The following FIRRM variants were observed in gnomAD, a reference collection of about 807,000 sequenced individuals.
FIRRM encodes FIGNL1 interacting regulator of recombination and mitosis.
At chr1:169,788,252 C>T in the FIRRM span, among the ~76,000 whole-genome samples, 1 of 152,164 alleles carries the variant, frequency 6.6e-6, no homozygotes, top group African/African-American at 2.4e-5. Flanking sequence ...ACCTCTGCCA[C>T]CCCTGAGACA....
At chr1:169,837,150 A>T in the FIRRM span, 1 of 1,521,844 alleles carries the variant, frequency 6.6e-7, no homozygotes, top group Non-Finnish European at 8.8e-7. Context: ...TTCATTCAGC[A>T]GCTGTTTATT....
chr1:169,836,811 G>A, the FIRRM span: 35 of 664,200 alleles, frequency 5.3e-5, no homozygotes, highest in South Asian at 2.6e-4. Context: ...AGATATTACC[G>A]TACCATTATA....
At chr1:169,815,902 G>A in the FIRRM span, among the ~76,000 whole-genome samples, 38 of 152,154 alleles carry the variant, frequency 2.5e-4, 1 homozygote, top group African/African-American at 6.7e-4. Context: ...TAACTTCTTC[G>A]GGCTGAATAG....
chr1:169,805,582 ATAAT>A, the FIRRM span, among the ~76,000 whole-genome samples: 1 of 152,336 alleles, frequency 6.6e-6, no homozygotes, highest in Middle Eastern at 3.4e-3. Flanking sequence ...ATTTTTATAA[ATAAT>A]CTACCACAGA....
chr1:169,820,161 T>C, the FIRRM span, among the ~76,000 whole-genome samples: 1 of 152,108 alleles, frequency 6.6e-6, no homozygotes, highest in Non-Finnish European at 1.5e-5. Flanking sequence ...GAGTGGACAG[T>C]TGATCTGAGT....
At chr1:169,803,422 C>A in the FIRRM span, 3 of 1,054,566 alleles carry the variant, frequency 2.8e-6, no homozygotes, top group Non-Finnish European at 3.8e-6. Flanking sequence ...TTGAAATAAA[C>A]TTTTCCATAG....
chr1:169,795,949 G>A, the FIRRM span: 1 of 985,446 alleles, frequency 1.0e-6, no homozygotes, highest in African/African-American at 1.7e-5. Flanking sequence ...ATGCCTTTGT[G>A]GTTGTAAATG....
At chr1:169,832,396 C>T in the FIRRM span, 5 of 1,554,464 alleles carry the variant, frequency 3.2e-6, no homozygotes, top group East Asian at 4.5e-5. Context: ...TCTCTCCTCT[C>T]TCTCTCATGT....
the FIRRM span, among the ~76,000 whole-genome samples, chr1:169,818,387 A>C: frequency 6.6e-6 from 1 of 152,234 alleles, no homozygotes. Context: ...AAGTCAAAGA[A>C]GCAGTTTATG....
the FIRRM span, chr1:169,821,596 A>G: frequency 1.9e-6 from 2 of 1,040,032 alleles, no homozygotes; most frequent in Non-Finnish European, 2.7e-6. Context: ...TGTTTTTAGA[A>G]AATATTGTCT....
chr1:169,852,004 A>C, the FIRRM span: 2 of 1,607,522 alleles, frequency 1.2e-6, no homozygotes, highest in South Asian at 2.2e-5. Context: ...CTTACTGACG[A>C]AACAAACCAG....
chr1:169,843,056 CTGTT>C, the FIRRM span, among the ~76,000 whole-genome samples: 5 of 152,344 alleles, frequency 3.3e-5, no homozygotes, highest in Non-Finnish European at 5.9e-5. Context: ...AAAATATAGC[CTGTT>C]TGTTTTCTTT....
the FIRRM span, chr1:169,830,816 A>G: frequency 2.2e-6 from 3 of 1,342,778 alleles, no homozygotes; most frequent in Admixed American, 1.7e-5. Context: ...GATAATCTTT[A>G]AGAATGTGAA....
the FIRRM span, among the ~76,000 whole-genome samples, chr1:169,787,622 C>T: frequency 6.6e-6 from 1 of 152,218 alleles, no homozygotes; most frequent in African/African-American, 2.4e-5. Context: ...AATCCCATTG[C>T]CATGGTCCCT....
the FIRRM span, chr1:169,830,351 A>G: frequency 1.2e-6 from 2 of 1,611,290 alleles, no homozygotes. Context: ...GGTACAACAT[A>G]TTTGCTTTTT....
chr1:169,805,937 A>T, the FIRRM span: 3 of 869,664 alleles, frequency 3.4e-6, no homozygotes, highest in Non-Finnish European at 5.6e-6. Context: ...AGATAGTTTT[A>T]ATTATAGGAG....
the FIRRM span, chr1:169,852,347 T>C: frequency 0.63 from 170,770 of 271,696 alleles, 54,718 homozygotes; most frequent in Middle Eastern, 0.75. Context: ...AAAGGCAGAA[T>C]TTGACACCAA....
chr1:169,821,377 A>G, the FIRRM span, among the ~76,000 whole-genome samples: 1 of 152,164 alleles, frequency 6.6e-6, no homozygotes, highest in Non-Finnish European at 1.5e-5. Context: ...AGAATAAGGT[A>G]TTTAAATTTC....
chr1:169,835,980 A>G, the FIRRM span, among the ~76,000 whole-genome samples: 1,038 of 152,166 alleles, frequency 6.8e-3, 10 homozygotes, highest in African/African-American at 0.024. Flanking sequence ...TGACTGGTAA[A>G]TATTTTCCAC....
Sources: gnomAD v4.1 joint callset for allele counts (sites outside exome capture counted in the v4.1 genomes callset) on GRCh38, gnomAD v4.1.1 for gene constraint, MANE v1.5 for transcripts, NCBI Gene and HGNC (gene_info 2026-07-23, HGNC 2026-07-21) for gene names.